Variants in SLC38A5 observed in about 807,000 individuals in gnomAD.
SLC38A5 encodes the protein solute carrier family 38 member 5.
In SLC38A5, 9 loss-of-function variants were observed where a neutral mutation model predicts 34.6. The ratio of observed to expected loss-of-function variants is 0.26; its 90% CI spans 0.16 to 0.45. The LOEUF is 0.45. Ranked by LOEUF, SLC38A5 falls within the 20% of genes least tolerant of loss-of-function variation. SLC38A5 has a pLI of 1.00. For missense variants in SLC38A5, 253 were observed against 394.7 expected (o/e 0.64, Z 3.04); for synonymous variants, 157 against 155.6 (o/e 1.01, Z -0.07).
At chrX:48,467,397 G>A (rs938251022) in intron 4 of SLC38A5, 1 of 417,183 alleles carries the variant, frequency 2.4e-6, no homozygotes. Context: ...GGGATAGGCT[G>A]AGGATGGGGA....
At position 48,459,011 on chromosome X, in the gene SLC38A5, TC is replaced by T; in HGVS notation, c.1340del (p.Gly447GlufsTer9). 2.5e-6 allele frequency: 3 copies of T among 1,193,885 alleles called. No homozygotes were observed. Among genetic ancestry groups the T allele is most frequent in the Non-Finnish European group, 3.4e-6 (3 of 885,823 alleles). ...CTAGACTGACGGCCATGAAGAGGACTCCCAGGACTCCAAAGCACAGGGCCTG... is the reference window on the plus strand; with the variant it reads ...CTAGACTGACGGCCATGAAGAGGACTCCAGGACTCCAAAGCACAGGGCCTG... ...KIQALCFGVL[G>X]VLFMAVSLGF... is the part of the protein sequence containing the mutation. On this transcript the variant is annotated frameshift_variant, in exon 17 of 17. Transcript: ENST00000620913. LOFTEE classifies it low-confidence loss of function (END_TRUNC).
At chrX:48,468,357 CCT>C in intron 2 of SLC38A5, 3 of 779,956 alleles carry the variant, frequency 3.8e-6, no homozygotes, top group Non-Finnish European at 3.0e-6. Context: ...CGCGCCACCC[CCT>C]CTCCTTCCCT....
chrX:48,468,957 T>G (rs1195081388), intron 2 of SLC38A5: 1 of 750,810 alleles, frequency 1.3e-6, no homozygotes, highest in African/African-American at 2.3e-5. Flanking sequence ...AGGTACAGCG[T>G]CTCTGAAGAA....
chrX:48,461,165 T>C, intron 12 of SLC38A5, 79 bp from the exon 13 acceptor site: 1 of 832,629 alleles, frequency 1.2e-6, no homozygotes, highest in East Asian at 3.4e-5. Flanking sequence ...GCCTCCACCC[T>C]CCAGAGTCCC....
At chrX:48,468,350 G>A (rs1346713680) in intron 2 of SLC38A5, 10 of 771,738 alleles carry the variant, frequency 1.3e-5, no homozygotes, top group African/African-American at 1.2e-4. Context: ...GGTCCCCCGC[G>A]CCACCCCCTC....
At chrX:48,464,316 C>T (rs558646014) in intron 8 of SLC38A5, among the ~76,000 whole-genome samples, 36 of 112,507 alleles carry the variant, frequency 3.2e-4, no homozygotes, top group Middle Eastern at 4.6e-3. Context: ...TGATTGAATG[C>T]CTATGTTCTA....
Position 48,467,705 on chromosome X carries a change from C to T in SLC38A5, c.129+5G>A. 1 of 1,205,969 alleles carries T rather than the reference C, an allele frequency of 8.3e-7. No homozygotes were observed. Among genetic ancestry groups the T allele is most frequent in the Non-Finnish European group, 1.1e-6 (1 of 892,676 alleles). On this transcript the variant is annotated splice_donor_5th_base_variant and intron_variant, in intron 4 of 16. Coordinates refer to ENST00000620913, the MANE Select transcript of SLC38A5 (RefSeq NM_033518.4). Reference sequence around the variant, plus strand: ...CACCAGGACAGATCCTGTGGGGCCACTCACATCCATGAACTGGACCGGCTT... The same window carrying T: ...CACCAGGACAGATCCTGTGGGGCCATTCACATCCATGAACTGGACCGGCTT...
intron 8 of SLC38A5, among the ~76,000 whole-genome samples, chrX:48,463,487 T>A (rs1244066983): frequency 4.5e-5 from 5 of 110,351 alleles, no homozygotes; most frequent in Admixed American, 3.9e-4. Context: ...GTGCCTGTAG[T>A]CCCAGCTACT....
intron 2 of SLC38A5, chrX:48,468,796 G>A: frequency 4.4e-6 from 3 of 681,259 alleles, no homozygotes; most frequent in Non-Finnish European, 5.1e-6. Context: ...GGTGTGGGGT[G>A]TCTCAGGAAC....
Position 48,467,339 on chromosome X carries a change from A to C in SLC38A5, c.130-262T>G. The C allele has an allele frequency of 1.2e-5, 5 of 419,212 alleles. No homozygotes were observed. In the South Asian group the frequency reaches 1.8e-4, roughly 15 times the overall value. The allele number at this position is 419,212 out of a possible 1,213,427, so 34.5% of individuals were successfully genotyped here. On this transcript the variant is annotated intron_variant, in intron 4 of 16. Transcript: ENST00000620913. ...AGTGGAGAGGACCGGGGGAGGGTGAAGCAGCCACCAGAGGTAAAACAGCTG... is the reference window on the plus strand; with the variant it reads ...AGTGGAGAGGACCGGGGGAGGGTGACGCAGCCACCAGAGGTAAAACAGCTG...
At chrX:48,468,466 C>T (rs1411044813) in intron 2 of SLC38A5, 16 of 723,704 alleles carry the variant, frequency 2.2e-5, no homozygotes, top group Admixed American at 7.9e-5. Flanking sequence ...CCCTCCTTCC[C>T]GCCTGGGCCC....
chrX:48,459,305 G>C, intron 16 of SLC38A5: 1 of 432,016 alleles, frequency 2.3e-6, no homozygotes, highest in Non-Finnish European at 3.9e-6. Flanking sequence ...TCTGGAGAAT[G>C]CTCCCTCTAT....
Position 48,461,086 on chromosome X carries a change from C to T in SLC38A5, c.852G>A (p.Arg284=). The T allele has an allele frequency of 4.1e-6, 5 of 1,205,689 alleles. No homozygotes were observed. The highest frequency in any genetic ancestry group is 5.6e-6 in the Non-Finnish European group (5 of 891,935). The change falls in exon 13 of 17, where the codon CGG becomes CGA. Residue 284 remains arginine (R), a splice_region_variant and synonymous_variant. Transcript: ENST00000620913. ...CGGCCTGCATCCTGCGCTTGGAGGGCCTGAGGTGTAGAGGTCGTGGAACTG... is the reference window on the plus strand; with the variant it reads ...CGGCCTGCATCCTGCGCTTGGAGGGTCTGAGGTGTAGAGGTCGTGGAACTG... ...EVLPIYTELC[R]PSKRRMQAVA...
chrX:48,466,975 C>G lies in SLC38A5; in HGVS notation c.232G>C (p.Val78Leu), dbSNP rs1556963595. 1.7e-6 allele frequency: 2 copies of G among 1,211,820 alleles called. No homozygotes were observed. The highest frequency in any genetic ancestry group is 1.7e-5 in the African/African-American group (1 of 57,943). Reference protein sequence around the residue: ...GLAYAMAHTGVIFFLALLLCI... With the variant: ...GLAYAMAHTGLIFFLALLLCI... ...CTATGGACTCACAGGAAGAAGATGA[C>G]CCCCGTGTGGGCCATGGCATAGGCC... The change falls in exon 5 of 17, where the codon GTC becomes CTC. Residue 78 changes from valine to leucine, a missense_variant. By Grantham distance (32) the Val-to-Leu change is conservative. This residue lies in a region of SLC38A5 where 37 missense variants were observed against 85.3 expected (regional missense o/e 0.43). Coordinates refer to ENST00000620913, the MANE Select transcript of SLC38A5 (RefSeq NM_033518.4).
intron 2 of SLC38A5, chrX:48,468,420 G>A: frequency 9.2e-6 from 7 of 761,074 alleles, no homozygotes; most frequent in Non-Finnish European, 1.1e-5. Context: ...GACACGTGTC[G>A]GCCTGGCTGC....
intron 8 of SLC38A5, 123 bp from the exon 9 acceptor site, chrX:48,463,103 C>T: frequency 7.7e-6 from 4 of 518,437 alleles, no homozygotes; most frequent in Non-Finnish European, 1.3e-5. Context: ...AGCTGACAAC[C>T]TCAGCTTGAG....
Position 48,468,986 on chromosome X carries a change from G to A in SLC38A5, c.-2+349C>T, listed in dbSNP as rs1490560073. ...TGAAGAAACCCCAGCTCCCTCCCGC[G>A]CTTACTCCTTGGGAAGGAGGTATCT... is the stretch of plus-strand genomic sequence containing the variant. On this transcript the variant is annotated intron_variant, in intron 2 of 16. Coordinates refer to ENST00000620913, the MANE Select transcript of SLC38A5 (RefSeq NM_033518.4). 6.7e-6 allele frequency: 5 copies of A among 750,927 alleles called. No homozygotes were observed. The African/African-American group carries it at 7.0e-5, about 11-fold the overall frequency. 61.9% of individuals were successfully genotyped at this position (750,927 alleles called of 1,213,427 possible).
intron 6 of SLC38A5, 22 bp from the exon 7 acceptor site, chrX:48,466,344 A>G: frequency 8.5e-7 from 1 of 1,176,071 alleles, no homozygotes; most frequent in Non-Finnish European, 1.1e-6. Flanking sequence ...AGTCAGGAAC[A>G]GGGTTGAAGG....
Position 48,461,999 on chromosome X carries a change from A to G in SLC38A5, c.771+8T>C, listed in dbSNP as rs1259446915. The stretch of plus-strand genomic sequence containing the variant: ...GTGATGCAATCTCCTACATGCCTGC[A>G]CACACACCTGTGAGTCAACTGTGAA... On this transcript the variant is annotated splice_region_variant and intron_variant, in intron 11 of 16. Transcript: ENST00000620913. 1 of 1,151,083 alleles carries G rather than the reference A, an allele frequency of 8.7e-7. No individual in the cohort carries two copies. The highest frequency in any genetic ancestry group is 1.2e-6 in the Non-Finnish European group (1 of 865,018). 94.9% of individuals were successfully genotyped at this position (1,151,083 alleles called of 1,213,427 possible).
Sources: gnomAD v4.1 joint callset for allele counts (sites outside exome capture counted in the v4.1 genomes callset) on GRCh38, gnomAD v4.1.1 for gene constraint, gnomAD v4.1.1 regional missense constraint, MANE v1.5 for transcripts, NCBI Gene and HGNC (gene_info 2026-07-23, HGNC 2026-07-21) for gene names.